LPAR1: variants seen among roughly 807,000 people sequenced by gnomAD.
The protein encoded by LPAR1 is lysophosphatidic acid receptor 1, also known as LPA receptor 1.
In LPAR1, 5 loss-of-function variants were observed where a neutral mutation model predicts 23.8. The ratio of observed to expected loss-of-function variants is 0.21; its 90% CI spans 0.11 to 0.44. The LOEUF is 0.44. LPAR1 is among the 20% of genes least tolerant of loss of function. The pLI is 0.99. For missense variants in LPAR1, 311 were observed against 482.8 expected, an observed-to-expected ratio of 0.64 and a Z score of 3.33; for synonymous variants, 160 against 164.7, an observed-to-expected ratio of 0.97 and a Z score of 0.22.
chr9:111,017,446 T>G (rs769977884), intron 2 of LPAR1, among the ~76,000 whole-genome samples: 4 of 152,166 alleles, frequency 2.6e-5, no homozygotes, highest in Non-Finnish European at 5.9e-5. Flanking sequence ...TGGGTGAAAT[T>G]GCAAATCTAT....
At chr9:110,899,024 A>C (rs1311194362) in intron 5 of LPAR1, among the ~76,000 whole-genome samples, 1 of 152,236 alleles carries the variant, frequency 6.6e-6, no homozygotes, top group African/African-American at 2.4e-5. Flanking sequence ...AACATCGGCT[A>C]ATTCTTTTTT....
At chr9:110,951,181 G>A (rs1222591066) in intron 4 of LPAR1, among the ~76,000 whole-genome samples, 1 of 151,908 alleles carries the variant, frequency 6.6e-6, no homozygotes, top group African/African-American at 2.4e-5. Flanking sequence ...ATCCGTTTCA[G>A]GCAATATGAA....
At chr9:110,987,213 G>A (rs1317147307) in intron 2 of LPAR1, among the ~76,000 whole-genome samples, 1 of 151,918 alleles carries the variant, frequency 6.6e-6, no homozygotes, top group African/African-American at 2.4e-5. Flanking sequence ...AACAATGTAA[G>A]CATCCAGTAA....
intron 2 of LPAR1, among the ~76,000 whole-genome samples, chr9:111,001,010 G>A (rs1438573213): frequency 6.6e-6 from 1 of 152,050 alleles, no homozygotes; most frequent in East Asian, 1.9e-4. Flanking sequence ...GTTTTAATAT[G>A]CTAAAATCAA....
rs78329276 is a variant in LPAR1, at chr9:110,938,963, G to A, written c.793+2458C>T. Among the ~76,000 whole-genome samples, 1,334 of 152,292 alleles carry A rather than the reference G, an allele frequency of 8.8e-3. 10 individuals carry two copies. The highest frequency in any genetic ancestry group is 0.013 in the Non-Finnish European group (914 of 68,016). On this transcript the variant is annotated intron_variant, in intron 5 of 5. Transcript: ENST00000683809. ...GCTACCCTGCCTATGAGATAGCCCT[G>A]CTCTGCCTTTGGAGTGGTCACTTGG...
intron 4 of LPAR1, among the ~76,000 whole-genome samples, chr9:110,961,043 A>T (rs540183565): frequency 9.6e-5 from 14 of 145,752 alleles, no homozygotes; most frequent in African/African-American, 3.6e-4. Context: ...AGTTTTTATT[A>T]TCTTCTACTA....
At chr9:110,928,589 G>A (rs982592764) in intron 5 of LPAR1, among the ~76,000 whole-genome samples, 11 of 152,120 alleles carry the variant, frequency 7.2e-5, no homozygotes, top group Middle Eastern at 3.2e-3. Flanking sequence ...CCGTCTGATC[G>A]TTTTATACAC....
chr9:110,910,359 A>T (rs2092253548), intron 5 of LPAR1, among the ~76,000 whole-genome samples: 1 of 152,176 alleles, frequency 6.6e-6, no homozygotes, highest in African/African-American at 2.4e-5. Context: ...GGCTTACTGA[A>T]TATTTTAAGC....
At chr9:110,994,729 CA>C (rs771165891) in intron 2 of LPAR1, among the ~76,000 whole-genome samples, 5 of 152,084 alleles carry the variant, frequency 3.3e-5, no homozygotes, top group Non-Finnish European at 7.4e-5. Flanking sequence ...AGAGAGGGTT[CA>C]TGTGTCACTA....
intron 2 of LPAR1, among the ~76,000 whole-genome samples, chr9:111,018,187 T>C (rs1448717914): frequency 6.6e-6 from 1 of 152,224 alleles, no homozygotes; most frequent in African/African-American, 2.4e-5. Flanking sequence ...CTAGTCAATG[T>C]CATCCAGGAC....
chr9:110,940,012 G>A (rs1175509267), intron 5 of LPAR1, among the ~76,000 whole-genome samples: 1 of 152,218 alleles, frequency 6.6e-6, no homozygotes, highest in Non-Finnish European at 1.5e-5. Context: ...TGTGGCACAG[G>A]TGTGCTTAAG....
intron 2 of LPAR1, among the ~76,000 whole-genome samples, chr9:110,977,358 A>G (rs4366150): frequency 0.33 from 50,709 of 151,982 alleles, 9,452 homozygotes; most frequent in Non-Finnish European, 0.43. Context: ...CAGAAAACAC[A>G]TGGGAAAAAG....
At chr9:110,957,400 T>C (rs1232261606) in intron 4 of LPAR1, among the ~76,000 whole-genome samples, 1 of 151,314 alleles carries the variant, frequency 6.6e-6, no homozygotes. Context: ...CATGATCAAG[T>C]AGGATTTATC....
Position 110,923,599 on chromosome 9 carries a change from A to G in LPAR1, c.793+17822T>C, listed in dbSNP as rs1364872395. ...TGCATTTTCAACTTACAATATTTTC[A>G]ATTTACGATGGATTTATGGAGATGT... On this transcript the variant is annotated intron_variant, in intron 5 of 5. Coordinates refer to ENST00000683809, the MANE Select transcript of LPAR1 (RefSeq NM_001351411.2). 2.6e-5 allele frequency among the ~76,000 whole-genome samples: 4 copies of G among 152,314 alleles called. No homozygotes were observed. The East Asian group carries it at 7.7e-4, about 29-fold the overall frequency.
intron 2 of LPAR1, among the ~76,000 whole-genome samples, chr9:111,018,848 A>C (rs1200216531): frequency 6.6e-6 from 1 of 152,232 alleles, no homozygotes; most frequent in Non-Finnish European, 1.5e-5. Flanking sequence ...TAAAACAGCA[A>C]GTACAAAGGA....
At chr9:111,019,559 T>C (rs1260858499) in intron 2 of LPAR1, among the ~76,000 whole-genome samples, 1 of 152,060 alleles carries the variant, frequency 6.6e-6, no homozygotes, top group Non-Finnish European at 1.5e-5. Flanking sequence ...ATTAGTGGAA[T>C]GTTGTATTAG....
At position 110,875,327 on chromosome 9, in the gene LPAR1, C is replaced by A; in HGVS notation, c.*94G>T. 1 of 1,107,354 alleles carries A rather than the reference C, an allele frequency of 9.0e-7. No homozygotes were observed. The highest frequency in any genetic ancestry group is 1.3e-6 in the Non-Finnish European group (1 of 788,228). 68.6% of individuals were successfully genotyped at this position (1,107,354 alleles called of 1,614,324 possible). ...TTAAGTACATGAGTTGACTTTTCTCCTCTCTCACACCCCACCTTGCCCTGG... is the reference window on the plus strand; with the variant it reads ...TTAAGTACATGAGTTGACTTTTCTCATCTCTCACACCCCACCTTGCCCTGG... On this transcript the variant is annotated 3_prime_UTR_variant, in exon 6 of 6. Coordinates refer to ENST00000683809, the MANE Select transcript of LPAR1 (RefSeq NM_001351411.2).
chr9:110,971,311 G>A (rs1354712827), intron 4 of LPAR1, among the ~76,000 whole-genome samples: 1 of 152,122 alleles, frequency 6.6e-6, no homozygotes, highest in Middle Eastern at 3.2e-3. Flanking sequence ...CATCATGTGA[G>A]GAATGATTAC....
intron 4 of LPAR1, among the ~76,000 whole-genome samples, chr9:110,953,896 C>CA (rs1426781491): frequency 1.3e-5 from 2 of 151,788 alleles, no homozygotes; most frequent in Non-Finnish European, 2.9e-5. Context: ...AAAAGAAACA[C>CA]AAAAAAGCAA....
Sources: allele counts gnomAD v4.1 joint callset (sites outside exome capture counted in the v4.1 genomes callset), GRCh38; gene constraint gnomAD v4.1.1; transcripts MANE v1.5; gene names NCBI Gene and HGNC (gene_info 2026-07-23, HGNC 2026-07-21).